Variants in CBR4 observed in about 807,000 individuals in gnomAD.
CBR4 encodes the protein carbonyl reductase 4, also known as 3-oxoacyl-[acyl-carrier-protein] reductase.
Under a neutral mutation model 21.0 loss-of-function variants are expected in CBR4, and 22 were observed. That is an observed-to-expected ratio of 1.05 (90% CI 0.75 to 1.50). The LOEUF is 1.50. CBR4 is among the 40% of genes most tolerant of loss of function. The pLI is 0.00. For synonymous variants in CBR4, 100 were observed against 104.4 expected, an observed-to-expected ratio of 0.96 and a Z score of 0.26; for missense variants, 302 against 286.3, an observed-to-expected ratio of 1.05 and a Z score of -0.40.
intron 3 of CBR4, among the ~76,000 whole-genome samples, chr4:169,006,227 G>T (rs1358457585): frequency 2.0e-5 from 3 of 151,922 alleles, no homozygotes; most frequent in Admixed American, 1.3e-4. Context: ...TAAAAATCAG[G>T]TTCCTGGCTG....
At chr4:169,001,417 T>A (rs997425990) in intron 4 of CBR4, 2 of 152,044 alleles carry the variant, frequency 1.3e-5, no homozygotes, top group Non-Finnish European at 2.9e-5. Context: ...CTGGAAAAAA[T>A]TATTTCTAAG....
chr4:168,972,454 T>C (rs976480379), intron 2 of CBR4, among the ~76,000 whole-genome samples: 1 of 152,234 alleles, frequency 6.6e-6, no homozygotes, highest in Non-Finnish European at 1.5e-5. Flanking sequence ...CTATGATTTC[T>C]TTCAGCAGTG....
intron 4 of CBR4, among the ~76,000 whole-genome samples, chr4:168,999,590 T>A (rs1364606934): frequency 6.7e-6 from 1 of 149,378 alleles, no homozygotes; most frequent in Non-Finnish European, 1.5e-5. Flanking sequence ...CTATAAGGGT[T>A]GTATGCTCAA....
rs1314456681 is a variant in CBR4 at position 168,988,074 on chromosome 4, AT to A, written c.*2075del. The A allele has an allele frequency of 6.1e-6, 6 of 985,286 alleles. No individual in the cohort carries two copies. The African/African-American group carries it at 8.7e-5, about 14-fold the overall frequency. 61.0% of individuals were successfully genotyped at this position (985,286 alleles called of 1,614,324 possible). ...TTCTCAGAATAGCAGATTTTAAAAA[AT>A]GAATTCACTGAGGTTCTTAAACCTC... On this transcript the variant is annotated 3_prime_UTR_variant, in exon 5 of 5. Transcript: ENST00000306193.
At chr4:168,933,980 C>T (rs1392533759) in intron 2 of CBR4, among the ~76,000 whole-genome samples, 1 of 152,032 alleles carries the variant, frequency 6.6e-6, no homozygotes, top group Non-Finnish European at 1.5e-5. Context: ...AACAGAAACA[C>T]AACATACCAA....
intron 2 of CBR4, chr4:168,916,001 G>C: frequency 6.2e-7 from 1 of 1,613,910 alleles, no homozygotes. Flanking sequence ...TGTTCAAGAA[G>C]GAAAACTCTG....
At chr4:169,003,911 C>A (rs1483993045) in intron 3 of CBR4, among the ~76,000 whole-genome samples, 1 of 151,868 alleles carries the variant, frequency 6.6e-6, no homozygotes, top group Non-Finnish European at 1.5e-5. Context: ...CACATGGACA[C>A]AGGAAGGGGA....
intron 2 of CBR4, among the ~76,000 whole-genome samples, chr4:168,975,042 A>C (rs1247252371): frequency 2.0e-5 from 3 of 152,220 alleles, no homozygotes; most frequent in Admixed American, 1.3e-4. Context: ...AGATTGTTTC[A>C]GTGGAAAGAT....
At chr4:168,916,495 C>CTAATCT (rs1760130759) in intron 2 of CBR4, among the ~76,000 whole-genome samples, 2 of 87,530 alleles carry the variant, frequency 2.3e-5, no homozygotes, top group Admixed American at 1.3e-4. Context: ...TTCTTTAAAT[C>CTAATCT]TAAATTAAAT....
chr4:168,906,276 T>C (rs1757779600), intron 2 of CBR4, among the ~76,000 whole-genome samples: 1 of 152,202 alleles, frequency 6.6e-6, no homozygotes, highest in African/African-American at 2.4e-5. Flanking sequence ...GAATAAGCCA[T>C]TTTATAGAAC....
intron 2 of CBR4, among the ~76,000 whole-genome samples, chr4:168,965,610 A>G (rs1393196532): frequency 6.6e-6 from 1 of 152,208 alleles, no homozygotes; most frequent in Non-Finnish European, 1.5e-5. Context: ...ATCTACAACC[A>G]TCTGATCTTT....
At chr4:168,913,066 A>C (rs1267061195) in intron 2 of CBR4, among the ~76,000 whole-genome samples, 4 of 151,816 alleles carry the variant, frequency 2.6e-5, no homozygotes, top group Non-Finnish European at 5.9e-5. Flanking sequence ...CATCCCACGC[A>C]TACTTCTTAC....
At chr4:168,990,445 A>AT (rs985181303) in intron 4 of CBR4, 117 bp from the exon 5 acceptor site, 217 of 848,812 alleles carry the variant, frequency 2.6e-4, no homozygotes, top group African/African-American at 2.5e-3. Flanking sequence ...TTAAAAAAAA[A>AT]TTTTTTTTTG....
At chr4:169,009,131 T>TC (rs1475564749) in intron 1 of CBR4, 1 of 424,770 alleles carries the variant, frequency 2.4e-6, no homozygotes, top group Non-Finnish European at 4.6e-6. Context: ...GCCTCTATTC[T>TC]CCCCATGCCT....
At position 168,912,414 on chromosome 4, in the gene CBR4, A is replaced by G. The variant is rs1582121441; in HGVS notation, n.170-17649T>C. On this transcript the variant is annotated intron_variant and non_coding_transcript_variant, in intron 2 of 3. Transcript: ENST00000509108. ...ATCTTCTCATTCTTCTGAGAGAGTGAAGGAGAAAAATCATCTTTTTTGCTA... is the reference window on the plus strand; with the variant it reads ...ATCTTCTCATTCTTCTGAGAGAGTGGAGGAGAAAAATCATCTTTTTTGCTA... 2.6e-5 allele frequency among the ~76,000 whole-genome samples: 4 copies of G among 152,172 alleles called. No individual in the cohort carries two copies. In the South Asian group the frequency reaches 8.3e-4, roughly 32 times the overall value.
At chr4:168,997,550 C>A (rs959419007) in intron 4 of CBR4, among the ~76,000 whole-genome samples, 2 of 152,158 alleles carry the variant, frequency 1.3e-5, no homozygotes, top group South Asian at 2.1e-4. Flanking sequence ...GCCAAGACTG[C>A]ACCACTATAC....
At chr4:168,895,428 A>G (rs1034092420) in intron 2 of CBR4, among the ~76,000 whole-genome samples, 2 of 152,346 alleles carry the variant, frequency 1.3e-5, no homozygotes, top group East Asian at 3.9e-4. Flanking sequence ...TGACTCTTCA[A>G]AAACTTAACT....
At chr4:168,963,470 C>CTTTTTT (rs398064262) in intron 2 of CBR4, among the ~76,000 whole-genome samples, 1 of 137,534 alleles carries the variant, frequency 7.3e-6, no homozygotes. Flanking sequence ...CTGTATAAAT[C>CTTTTTT]TTTTTTTTTT....
intron 2 of CBR4, chr4:168,921,406 CAAAAA>C (rs5863967): frequency 1.7e-3 from 619 of 361,262 alleles, no homozygotes; most frequent in Middle Eastern, 3.1e-3. Flanking sequence ...AAACTCTGTC[CAAAAA>C]AAAAAAAAAA....
Sources: allele counts gnomAD v4.1 joint callset (sites outside exome capture counted in the v4.1 genomes callset), GRCh38; gene constraint gnomAD v4.1.1; transcripts MANE v1.5; gene names NCBI Gene and HGNC (gene_info 2026-07-23, HGNC 2026-07-21).